The following EYA1 variants were observed in gnomAD, a reference collection of about 807,000 sequenced individuals.
EYA1 encodes protein phosphatase EYA1.
In EYA1, 16 loss-of-function variants were observed where a neutral mutation model predicts 82.0. That is an observed-to-expected ratio of 0.20 (90% CI 0.13 to 0.30). The LOEUF (loss-of-function observed/expected upper bound fraction) is 0.30, where lower values mean the gene tolerates loss of function less well. Ranked by LOEUF, EYA1 falls within the 10% of genes least tolerant of loss-of-function variation. The probability of loss-of-function intolerance (pLI) is 1.00; values close to 1 mark genes in which losing one functional copy is unlikely to be tolerated. For synonymous variants in EYA1, 261 were observed against 264.4 expected, an observed-to-expected ratio of 0.99 and a Z score of 0.12; for missense variants, 633 against 730.7, an observed-to-expected ratio of 0.87 and a Z score of 1.54.
At chr8:71,523,179 C>CTTTTTTTTTTTT (rs1160944112) in intron 2 of EYA1, among the ~76,000 whole-genome samples, 1 of 119,754 alleles carries the variant, frequency 8.4e-6, no homozygotes, top group Non-Finnish European at 1.8e-5. Flanking sequence ...TTTTCTTTTT[C>CTTTTTTTTTTTT]TTTTTTTTTT....
chr8:71,386,282 T>C (rs1383192840), intron 2 of EYA1, among the ~76,000 whole-genome samples: 1 of 152,068 alleles, frequency 6.6e-6, no homozygotes, highest in East Asian at 1.9e-4. Context: ...TTCAGGAGCC[T>C]GTATGTGAAA....
intron 1 of EYA1, among the ~76,000 whole-genome samples, chr8:71,357,973 CT>C (rs747409634): frequency 0.011 from 1,636 of 143,816 alleles, 16 homozygotes; most frequent in African/African-American, 0.03. Context: ...TTTCCTTTTT[CT>C]TTTTTTTTTT....
chr8:71,455,090 A>C (rs1807765347), intron 2 of EYA1, among the ~76,000 whole-genome samples: 1 of 152,234 alleles, frequency 6.6e-6, no homozygotes, highest in Non-Finnish European at 1.5e-5. Flanking sequence ...CCACTGATCC[A>C]CAGAAATACA....
At chr8:71,239,909 T>G (rs1812273555) in intron 12 of EYA1, among the ~76,000 whole-genome samples, 1 of 152,232 alleles carries the variant, frequency 6.6e-6, no homozygotes, top group Non-Finnish European at 1.5e-5. Context: ...TTCACACTTT[T>G]TGGAAGCACA....
At position 71,274,925 on chromosome 8, in the gene EYA1, T is replaced by C. The variant is rs1052260631; in HGVS notation, c.827-3028A>G. On this transcript the variant is annotated intron_variant, in intron 9 of 17. Transcript: ENST00000340726. ...GAGTGAGCGAGCGAGAGAGAGAGAA[T>C]GAGAGCGAGTGAACGAGAGCAAGCG... is the stretch of plus-strand genomic sequence containing the variant. Among the ~76,000 whole-genome samples the C allele has an allele frequency of 1.9e-4, 16 of 82,268 alleles. No homozygotes were observed. In the South Asian group the frequency reaches 2.5e-3, roughly 13 times the overall value. 54.0% of individuals were successfully genotyped at this position (82,268 alleles called of 152,430 possible).
intron 4 of EYA1, among the ~76,000 whole-genome samples, chr8:71,326,696 C>T (rs1563471500): frequency 2.0e-5 from 3 of 152,016 alleles, no homozygotes; most frequent in Admixed American, 2.0e-4. Flanking sequence ...CCTAACTTAA[C>T]CTCCCTTCCT....
At chr8:71,347,438 T>C (rs1404174700) in intron 3 of EYA1, among the ~76,000 whole-genome samples, 1 of 152,204 alleles carries the variant, frequency 6.6e-6, no homozygotes, top group Non-Finnish European at 1.5e-5. Context: ...TTCTCCTGCC[T>C]CAGCCTCCTG....
chr8:71,273,219 C>T (rs182412875), intron 9 of EYA1, among the ~76,000 whole-genome samples: 5 of 152,328 alleles, frequency 3.3e-5, no homozygotes, highest in Non-Finnish European at 7.4e-5. Flanking sequence ...AACAAGATGG[C>T]AAACTTCCTC....
intron 2 of EYA1, among the ~76,000 whole-genome samples, chr8:71,448,114 C>A (rs1220551330): frequency 6.6e-6 from 1 of 150,532 alleles, no homozygotes; most frequent in Non-Finnish European, 1.5e-5. Context: ...TTCTCCGCCT[C>A]AGCCTCCCTA....
At chr8:71,497,978 A>G (rs953766528) in intron 2 of EYA1, among the ~76,000 whole-genome samples, 2 of 152,160 alleles carry the variant, frequency 1.3e-5, no homozygotes, top group Non-Finnish European at 2.9e-5. Context: ...CAGATCACTC[A>G]TATGTGGAAT....
chr8:71,429,551 G>T (rs1436916848), intron 2 of EYA1, among the ~76,000 whole-genome samples: 1 of 151,998 alleles, frequency 6.6e-6, no homozygotes, highest in Non-Finnish European at 1.5e-5. Flanking sequence ...GTATGAAACA[G>T]ATTTTTGTCA....
intron 7 of EYA1, among the ~76,000 whole-genome samples, chr8:71,306,533 T>C (rs900532372): frequency 6.6e-6 from 1 of 151,906 alleles, no homozygotes; most frequent in Admixed American, 6.6e-5. Context: ...GGGTTTGGGA[T>C]GGGGGTGCTC....
chr8:71,423,285 GTTTTA>G (rs1271274397), intron 2 of EYA1, among the ~76,000 whole-genome samples: 3 of 151,940 alleles, frequency 2.0e-5, no homozygotes, highest in Non-Finnish European at 4.4e-5. Flanking sequence ...ACAGCATACT[GTTTTA>G]AACATCTGAA....
At chr8:71,416,311 C>T (rs1024931996) in intron 2 of EYA1, among the ~76,000 whole-genome samples, 1 of 152,194 alleles carries the variant, frequency 6.6e-6, no homozygotes, top group Non-Finnish European at 1.5e-5. Context: ...TCTCTTGATG[C>T]CTCTCTATTC....
intron 2 of EYA1, among the ~76,000 whole-genome samples, chr8:71,479,971 T>C (rs1357823816): frequency 6.6e-6 from 1 of 152,196 alleles, no homozygotes; most frequent in Non-Finnish European, 1.5e-5. Flanking sequence ...ACCTATTTAC[T>C]CTAGTTCCTA....
chr8:71,439,386 G>T (rs1321630764), intron 2 of EYA1, among the ~76,000 whole-genome samples: 1 of 152,134 alleles, frequency 6.6e-6, no homozygotes, highest in African/African-American at 2.4e-5. Flanking sequence ...GGTAAAGGGG[G>T]TATGGAAAGA....
chr8:71,489,161 AAG>A (rs903283988), intron 2 of EYA1, among the ~76,000 whole-genome samples: 1 of 152,180 alleles, frequency 6.6e-6, no homozygotes, highest in Non-Finnish European at 1.5e-5. Flanking sequence ...GGTCAGAACA[AAG>A]AGAGGGGAAA....
chr8:71,352,147 G>A (rs1364462678), intron 3 of EYA1, among the ~76,000 whole-genome samples: 1 of 152,112 alleles, frequency 6.6e-6, no homozygotes, highest in East Asian at 1.9e-4. Flanking sequence ...AAACACTGCT[G>A]TTTTCAAACT....
At chr8:71,331,245 TACACACACACACACACAC>T (rs147776263) in intron 4 of EYA1, among the ~76,000 whole-genome samples, 5 of 136,468 alleles carry the variant, frequency 3.7e-5, no homozygotes, top group Non-Finnish European at 6.3e-5. Context: ...AATAAATAAA[TACACACACACACACACAC>T]ACACACACAC....
Sources: gnomAD v4.1 joint callset for allele counts (sites outside exome capture counted in the v4.1 genomes callset) on GRCh38, gnomAD v4.1.1 for gene constraint, MANE v1.5 for transcripts, NCBI Gene and HGNC (gene_info 2026-07-23, HGNC 2026-07-21) for gene names.